Variants in DAGLA observed in about 807,000 individuals in gnomAD.
The protein encoded by DAGLA is diacylglycerol lipase alpha.
Under a neutral mutation model 102.6 loss-of-function variants are expected in DAGLA, and 22 were observed. The observed-to-expected ratio is 0.21, with a 90% CI of 0.15 to 0.31. DAGLA has a LOEUF of 0.31. Among genes scored for constraint, DAGLA ranks in the 10% least tolerant of loss-of-function variants. The probability of loss-of-function intolerance (pLI) is 1.00; values close to 1 mark genes in which losing one functional copy is unlikely to be tolerated. For missense variants in DAGLA, 927 were observed against 1,446.6 expected (o/e 0.64, Z 5.83); for synonymous variants, 578 against 628.9 (o/e 0.92, Z 1.21).
intron 9 of DAGLA, among the ~76,000 whole-genome samples, chr11:61,732,311 G>A (rs957819264): frequency 3.9e-5 from 6 of 152,156 alleles, no homozygotes; most frequent in African/African-American, 9.7e-5. Flanking sequence ...GGTGGCTCTC[G>A]GGGCCTTATT....
At position 61,734,616 on chromosome 11, in the gene DAGLA, G is replaced by T. The variant is rs1015593015; in HGVS notation, c.975-233G>T. ...AGAGAGGAGGGGGCCCCAGCCAGGT[G>T]GGGAGAGGGAAGGGCCCACAGGGTC... On this transcript the variant is annotated intron_variant, in intron 9 of 19. Transcript: ENST00000257215. The surrounding 1 kb of genome is among the most constrained non-coding windows in gnomAD (Gnocchi z 4.2). Among the ~76,000 whole-genome samples, 1 of 152,182 alleles carries T rather than the reference G, an allele frequency of 6.6e-6. No individual in the cohort carries two copies. Among genetic ancestry groups the T allele is most frequent in the Non-Finnish European group, 1.5e-5 (1 of 68,022 alleles).
At position 61,723,585 on chromosome 11, in the gene DAGLA, G is replaced by A; in HGVS notation, c.548+13G>A. On this transcript the variant is annotated intron_variant, in intron 5 of 19. Transcript: ENST00000257215. ...CCTACAACCTGCGGTCAGTCAGCGGGCTGGGTGGGCAGTCCCAGGGTGGGC... is the reference window on the plus strand; with the variant it reads ...CCTACAACCTGCGGTCAGTCAGCGGACTGGGTGGGCAGTCCCAGGGTGGGC... The A allele has an allele frequency of 6.2e-7, 1 of 1,610,908 alleles. No homozygotes were observed. The highest frequency in any genetic ancestry group is 8.5e-7 in the Non-Finnish European group (1 of 1,177,534).
At chr11:61,740,329 T>TGCCAGGCAG in intron 17 of DAGLA, 134 bp from the exon 18 acceptor site, 1 of 1,195,608 alleles carries the variant, frequency 8.4e-7, no homozygotes, top group South Asian at 1.5e-5. Flanking sequence ...AGAGCCCTGC[T>TGCCAGGCAG]GCCAGGCAGG....
intron 18 of DAGLA, 144 bp from the exon 19 acceptor site, chr11:61,741,018 G>T: frequency 1.4e-6 from 1 of 738,184 alleles, no homozygotes; most frequent in South Asian, 1.9e-5. Flanking sequence ...GGGGAGTGGT[G>T]ACCTCAGGAG....
intron 1 of DAGLA, among the ~76,000 whole-genome samples, chr11:61,712,692 C>T (rs1390183349): frequency 1.3e-5 from 2 of 152,204 alleles, no homozygotes; most frequent in African/African-American, 4.8e-5. Context: ...CCAGCCCACA[C>T]GTGCTTTCTC....
intron 1 of DAGLA, among the ~76,000 whole-genome samples, chr11:61,714,418 G>A (rs958775833): frequency 1.3e-5 from 2 of 152,246 alleles, no homozygotes; most frequent in Non-Finnish European, 1.5e-5. Flanking sequence ...AGAGCCAGCC[G>A]CAGGTGACTG....
intron 16 of DAGLA, 97 bp downstream of exon 16, chr11:61,738,304 C>T: frequency 1.0e-6 from 1 of 1,002,378 alleles, no homozygotes; most frequent in South Asian, 1.4e-5. Flanking sequence ...AGAGGCCCTG[C>T]CATGGAAGGC....
At chr11:61,733,572 C>A (rs1353360325) in intron 9 of DAGLA, among the ~76,000 whole-genome samples, 2 of 152,252 alleles carry the variant, frequency 1.3e-5, no homozygotes, top group East Asian at 1.9e-4. Flanking sequence ...TGGGCTCCAG[C>A]GTCTGGTGCC....
intron 1 of DAGLA, among the ~76,000 whole-genome samples, chr11:61,709,392 C>T (rs971517575): frequency 6.6e-6 from 1 of 152,178 alleles, no homozygotes; most frequent in African/African-American, 2.4e-5. Flanking sequence ...TACAGGCATG[C>T]ACCACCACGC....
Position 61,728,244 on chromosome 11 carries a change from T to C in DAGLA, c.728T>C (p.Leu243Pro). Residue 243 changes from leucine to proline, a missense_variant, in exon 7 of 20, where the codon CTC becomes CCC. Transcript: ENST00000257215. ...PSDIIAGLVL[L>P]RQRQRAKRNA... ...GACATCATTGCTGGCCTGGTGCTGC[T>C]CCGGCAGCGGCAGCGGGCCAAGCGC... 6.2e-7 allele frequency: 1 copy of C among 1,613,902 alleles called. No homozygotes were observed.
At chr11:61,738,633 T>C (rs1240347234) in intron 16 of DAGLA, among the ~76,000 whole-genome samples, 2 of 152,084 alleles carry the variant, frequency 1.3e-5, no homozygotes, top group East Asian at 3.9e-4. Context: ...TGGAGAGGAT[T>C]TGGGTACAGT....
intron 1 of DAGLA, among the ~76,000 whole-genome samples, chr11:61,717,531 G>T (rs973813852): frequency 3.9e-5 from 6 of 152,228 alleles, no homozygotes; most frequent in African/African-American, 7.2e-5. Flanking sequence ...TTCTCACCAG[G>T]ACTTTAGGAG....
intron 1 of DAGLA, among the ~76,000 whole-genome samples, chr11:61,711,553 AG>A (rs1044116016): frequency 1.3e-5 from 2 of 152,146 alleles, no homozygotes; most frequent in African/African-American, 4.8e-5. Context: ...TCGCCAGGGA[AG>A]GGTGCTGCTG....
Position 61,734,283 on chromosome 11 carries a change from G to A in DAGLA, c.975-566G>A, listed in dbSNP as rs747271538. 6.6e-6 allele frequency among the ~76,000 whole-genome samples: 1 copy of A among 151,936 alleles called. No individual in the cohort carries two copies. The highest frequency in any genetic ancestry group is 1.5e-5 in the Non-Finnish European group (1 of 67,996). ...TGGGGGTGAGGGCTGAGGAGCCACA[G>A]ACAGTTGCAAGCCAGAGGCCAAGCC... On this transcript the variant is annotated intron_variant, in intron 9 of 19. Transcript: ENST00000257215. This position sits in a 1 kb window ranked among gnomAD's most constrained non-coding sequence, Gnocchi z 4.2.
At chr11:61,736,099 G>A (rs2065421096) in intron 12 of DAGLA, among the ~76,000 whole-genome samples, 171 bp from the exon 13 acceptor site, 1 of 152,160 alleles carries the variant, frequency 6.6e-6, no homozygotes, top group Non-Finnish European at 1.5e-5. Flanking sequence ...GTTCCCACCT[G>A]TGAAATGGAA....
intron 1 of DAGLA, among the ~76,000 whole-genome samples, chr11:61,713,080 GC>G (rs1349855793): frequency 6.6e-6 from 1 of 152,196 alleles, no homozygotes; most frequent in Non-Finnish European, 1.5e-5. Context: ...CGACTCCACA[GC>G]CTGCTCCGTG....
intron 1 of DAGLA, among the ~76,000 whole-genome samples, chr11:61,700,131 G>A (rs198452): frequency 0.4 from 61,112 of 152,156 alleles, 13,983 homozygotes; most frequent in Non-Finnish European, 0.51. Context: ...GCAGCAGCCG[G>A]ACTGTCAGTA....
intron 4 of DAGLA, 79 bp from the exon 5 acceptor site, chr11:61,723,355 A>G (rs1045149159): frequency 2.2e-5 from 34 of 1,559,552 alleles, no homozygotes; most frequent in Admixed American, 5.2e-5. Context: ...GGAGGCTCCA[A>G]TGTCCCTTTC....
chr11:61,741,370 G>GCCCCAC, intron 19 of DAGLA, 21 bp downstream of exon 19: 1 of 1,597,322 alleles, frequency 6.3e-7, no homozygotes, highest in Non-Finnish European at 8.5e-7. Flanking sequence ...GCCACTCCCA[G>GCCCCAC]CCCCACCCCA....
Sources: gnomAD v4.1 joint callset for allele counts (sites outside exome capture counted in the v4.1 genomes callset) on GRCh38, gnomAD v4.1.1 for gene constraint, Gnocchi (gnomAD v3.1) non-coding constraint, MANE v1.5 for transcripts, NCBI Gene and HGNC (gene_info 2026-07-23, HGNC 2026-07-21) for gene names.